Variants in ZNF442 observed in about 807,000 individuals in gnomAD.
The protein encoded by ZNF442 is zinc finger protein 442.
In ZNF442, 45 loss-of-function variants were observed where a neutral mutation model predicts 57.0. The ratio of observed to expected loss-of-function variants is 0.79; its 90% CI spans 0.62 to 1.01. The LOEUF (loss-of-function observed/expected upper bound fraction) is 1.01, where lower values mean the gene tolerates loss of function less well. Ranked by LOEUF, ZNF442 falls within the 50% of genes least tolerant of loss-of-function variation. The pLI is 0.00. For synonymous variants in ZNF442, 213 were observed against 241.8 expected, an observed-to-expected ratio of 0.88 and a Z score of 1.10; for missense variants, 690 against 756.5, an observed-to-expected ratio of 0.91 and a Z score of 1.03.
chr19:12,369,242 AT>A (rs1432532405), upstream of ZNF442, among the ~76,000 whole-genome samples: 3 of 152,158 alleles, frequency 2.0e-5, no homozygotes, highest in African/African-American at 7.2e-5. Context: ...GCAGCTAGAT[AT>A]GGGAAGGGGA....
At chr19:12,362,488 C>T (rs1178360128) in intron 3 of ZNF442, among the ~76,000 whole-genome samples, 1 of 151,638 alleles carries the variant, frequency 6.6e-6, no homozygotes, top group African/African-American at 2.4e-5. Context: ...GCCCAGCAGC[C>T]GCCCCGTCTG....
chr19:12,364,464 A>G (rs571096185), intron 2 of ZNF442, among the ~76,000 whole-genome samples: 1 of 152,080 alleles, frequency 6.6e-6, no homozygotes, highest in East Asian at 1.9e-4. Context: ...CTCTGAAAAC[A>G]AAATGAAAAT....
chr19:12,369,113 CA>C (rs963892136), upstream of ZNF442, among the ~76,000 whole-genome samples: 20 of 144,682 alleles, frequency 1.4e-4, no homozygotes, highest in South Asian at 4.4e-4. Flanking sequence ...CCTAATGGAA[CA>C]AAAAAAAAAG....
intron 3 of ZNF442, among the ~76,000 whole-genome samples, chr19:12,354,825 T>G (rs1969299855): frequency 6.6e-6 from 1 of 152,240 alleles, no homozygotes; most frequent in Non-Finnish European, 1.5e-5. Context: ...TTCTCTAGCT[T>G]ACTTTACTGT....
rs758461077 is a variant in ZNF442, at chr19:12,355,861, T to C, written c.79-2747A>G. Among the ~76,000 whole-genome samples, 61 of 151,966 alleles carry C rather than the reference T, an allele frequency of 4.0e-4. No homozygotes were observed. The Middle Eastern group carries it at 0.014, about 34-fold the overall frequency. On this transcript the variant is annotated intron_variant, in intron 3 of 5. Coordinates refer to ENST00000242804, the MANE Select transcript of ZNF442 (RefSeq NM_030824.3). The stretch of plus-strand genomic sequence containing the variant: ...GTACATGCCTGTAGTCCCAGCTACC[T>C]GGGAGGCTGATGCCTGTAGTCCCAG...
intron 5 of ZNF442, 68 bp from the exon 6 acceptor site, chr19:12,351,386 C>T: frequency 1.4e-6 from 2 of 1,424,674 alleles, no homozygotes. Flanking sequence ...TTAGTAGGTA[C>T]TGGATTTACA....
At chr19:12,362,114 G>A (rs1028402291) in intron 3 of ZNF442, among the ~76,000 whole-genome samples, 3 of 152,226 alleles carry the variant, frequency 2.0e-5, no homozygotes, top group South Asian at 4.1e-4. Flanking sequence ...CCAAAGTGCC[G>A]AGATTGCAGC....
chr19:12,347,019 T>C lies in ZNF442; in HGVS notation c.*2682A>G, dbSNP rs968923338. On this transcript the variant is annotated 3_prime_UTR_variant, in exon 6 of 6. Transcript: ENST00000242804. ...CAGTAACACGTATAAAATGATCCCT[T>C]CCTTTGTGTATTCTAGTTTGTACCA... 5 of 152,190 alleles carry C rather than the reference T, an allele frequency of 3.3e-5. No individual in the cohort carries two copies. The highest frequency in any genetic ancestry group is 1.2e-4 in the African/African-American group (5 of 41,452). The allele number at this position is 152,190 out of a possible 1,614,324, so 9.4% of individuals were successfully genotyped here. A position where few individuals can be genotyped will look rare whatever the true frequency, so the allele number is the denominator to read the frequency against.
Position 12,347,121 on chromosome 19 carries a change from C to T in ZNF442, c.*2580G>A, listed in dbSNP as rs924120636. The T allele has an allele frequency of 2.0e-5, 3 of 152,192 alleles. No homozygotes were observed. In the East Asian group the frequency reaches 5.8e-4, roughly 29 times the overall value. The allele number at this position is 152,192 out of a possible 1,614,324, so 9.4% of individuals were successfully genotyped here. On this transcript the variant is annotated 3_prime_UTR_variant, in exon 6 of 6. Coordinates refer to ENST00000242804, the MANE Select transcript of ZNF442 (RefSeq NM_030824.3). ...TCAAAGGGTAACACTGCCCTCTAGG[C>T]AACATCGTGGAGGTCTATTTGAGAT... is the stretch of plus-strand genomic sequence containing the variant.
chr19:12,363,692 G>C, intron 2 of ZNF442, 21 bp from the exon 3 acceptor site: 1 of 1,476,902 alleles, frequency 6.8e-7, no homozygotes. Context: ...GGAAGAACAA[G>C]GTGATTGTCC....
rs1413106706 is a variant in ZNF442, at chr19:12,364,882, GC to G, written c.-122del. 1 of 152,220 alleles carries G rather than the reference GC, an allele frequency of 6.6e-6. No individual in the cohort carries two copies. The highest frequency in any genetic ancestry group is 1.5e-5 in the Non-Finnish European group (1 of 68,070). 9.4% of individuals were successfully genotyped at this position (152,220 alleles called of 1,614,324 possible). A position where few individuals can be genotyped will look rare whatever the true frequency, so the allele number is the denominator to read the frequency against. On this transcript the variant is annotated 5_prime_UTR_variant, in exon 2 of 6. Coordinates refer to ENST00000242804, the MANE Select transcript of ZNF442 (RefSeq NM_030824.3). ...CACTGACCGCCGGCTTCTGCATTGT[GC>G]CTGGGGATAAGATCTCGGAGAGCTG...
intron 4 of ZNF442, 80 bp downstream of exon 4, chr19:12,352,908 T>C (rs1969267503): frequency 6.5e-7 from 1 of 1,537,462 alleles, no homozygotes; most frequent in Non-Finnish European, 8.8e-7. Context: ...CCTTTCGGTA[T>C]TTCAAATCAT....
rs973014468 is a variant in ZNF442 at position 12,365,608 on chromosome 19, G to A, written c.-558C>T. On this transcript the variant is annotated 5_prime_UTR_variant, in exon 1 of 6. Coordinates refer to ENST00000242804, the MANE Select transcript of ZNF442 (RefSeq NM_030824.3). ...CCAGCATAGGACTCAGCGTGACAGT[G>A]CCTGCCACTGACCTGCCAGGGCTTC... is the stretch of plus-strand genomic sequence containing the variant. The A allele has an allele frequency of 9.3e-6, 3 of 323,924 alleles. No individual in the cohort carries two copies. The highest frequency in any genetic ancestry group is 1.0e-4 in the Admixed American group (2 of 19,514). 20.1% of individuals were successfully genotyped at this position (323,924 alleles called of 1,614,324 possible).
Position 12,363,662 on chromosome 19 carries a change from G to A in ZNF442, c.-31C>T, listed in dbSNP as rs1406001134. Reference sequence around the variant, plus strand: ...TGGCTGACCAGCCGTGTGTCCCCAAGGAATGGAAACTGGGGTTGGGGAAGA... The same window carrying A: ...TGGCTGACCAGCCGTGTGTCCCCAAAGAATGGAAACTGGGGTTGGGGAAGA... On this transcript the variant is annotated 5_prime_UTR_variant, in exon 3 of 6. Transcript: ENST00000242804. 2 of 1,602,162 alleles carry A rather than the reference G, an allele frequency of 1.2e-6. No individual in the cohort carries two copies. The highest frequency in any genetic ancestry group is 8.6e-7 in the Non-Finnish European group (1 of 1,169,224).
intron 4 of ZNF442, among the ~76,000 whole-genome samples, chr19:12,352,611 T>C (rs1969260148): frequency 6.6e-6 from 1 of 152,226 alleles, no homozygotes; most frequent in South Asian, 2.1e-4. Flanking sequence ...ACAATGAGGA[T>C]GAAAACCTTT....
intron 3 of ZNF442, among the ~76,000 whole-genome samples, chr19:12,362,831 T>C (rs1969459109): frequency 6.7e-6 from 1 of 149,158 alleles, no homozygotes; most frequent in Admixed American, 6.7e-5. Context: ...TAGAAAGAAG[T>C]AGACACGGGA....
upstream of ZNF442, among the ~76,000 whole-genome samples, chr19:12,366,919 G>T (rs1402078269): frequency 6.6e-6 from 1 of 152,224 alleles, no homozygotes; most frequent in East Asian, 1.9e-4. Context: ...ACAGGCGTGA[G>T]CCACCACGCC....
chr19:12,361,047 C>T (rs763890906), intron 3 of ZNF442, among the ~76,000 whole-genome samples: 11 of 151,714 alleles, frequency 7.3e-5, no homozygotes, highest in East Asian at 1.9e-4. Context: ...CAAAATTAGC[C>T]GGGCATGGTG....
At position 12,349,684 on chromosome 19, in the gene ZNF442, T is replaced by C; in HGVS notation, c.*17A>G. 6.4e-7 allele frequency: 1 copy of C among 1,565,378 alleles called. No homozygotes were observed. The highest frequency in any genetic ancestry group is 8.6e-7 in the Non-Finnish European group (1 of 1,158,930). ...CGTTTCTGAAATGAAATAAAATTAA[T>C]GAATGCTTTTCCACATTTATAGAGT... On this transcript the variant is annotated 3_prime_UTR_variant, in exon 6 of 6. Transcript: ENST00000242804.
Sources: allele counts gnomAD v4.1 joint callset (sites outside exome capture counted in the v4.1 genomes callset), GRCh38; gene constraint gnomAD v4.1.1; transcripts MANE v1.5; gene names NCBI Gene and HGNC (gene_info 2026-07-23, HGNC 2026-07-21).